TMX2: variants seen among roughly 807,000 people sequenced by gnomAD.
TMX2 encodes thioredoxin-related transmembrane protein 2.
Under a neutral mutation model 33.4 loss-of-function variants are expected in TMX2, and 20 were observed. The ratio of observed to expected loss-of-function variants is 0.60; its 90% CI spans 0.42 to 0.87. TMX2 has a LOEUF of 0.87. Among genes scored for constraint, TMX2 ranks in the 40% least tolerant of loss-of-function variants. The pLI is 0.00. For synonymous variants in TMX2, 166 were observed against 140.7 expected, an observed-to-expected ratio of 1.18 and a Z score of -1.27; for missense variants, 340 against 370.7, an observed-to-expected ratio of 0.92 and a Z score of 0.68.
chr11:57,712,881 G>A (rs1946708319), intron 1 of TMX2, 74 bp downstream of exon 1: 1 of 1,550,920 alleles, frequency 6.4e-7, no homozygotes, highest in Non-Finnish European at 8.8e-7. Flanking sequence ...GGAACCCTGG[G>A]GTTTACCTCT....
intron 7 of TMX2, 30 bp from the exon 8 acceptor site, chr11:57,740,069 G>C (rs1948997681): frequency 1.2e-6 from 2 of 1,613,490 alleles, no homozygotes; most frequent in Admixed American, 3.3e-5. Context: ...TTCCAACCCA[G>C]ATCCTGACGT....
chr11:57,731,224 C>T (rs1438450487), intron 1 of TMX2, among the ~76,000 whole-genome samples: 1 of 141,858 alleles, frequency 7.0e-6, no homozygotes, highest in East Asian at 2.4e-4. Flanking sequence ...ACATCTGCCT[C>T]CCTGGTTCAA....
chr11:57,736,883 C>CAAA (rs759801548), intron 1 of TMX2, among the ~76,000 whole-genome samples: 1 of 80,138 alleles, frequency 1.2e-5, no homozygotes. Context: ...AAGACTGTCT[C>CAAA]AAAAAAAAAA....
At chr11:57,737,870 G>A in intron 2 of TMX2, 43 bp from the exon 3 acceptor site, 1 of 1,614,186 alleles carries the variant, frequency 6.2e-7, no homozygotes, top group Non-Finnish European at 8.5e-7. Flanking sequence ...TGGGATATAG[G>A]AGTGCACAGC....
chr11:57,728,226 C>A (rs1317652583), intron 1 of TMX2, among the ~76,000 whole-genome samples: 1 of 152,044 alleles, frequency 6.6e-6, no homozygotes, highest in East Asian at 1.9e-4. Flanking sequence ...GCAGTGGCGC[C>A]ATCTCGGCTC....
At chr11:57,737,734 T>A in intron 2 of TMX2, 66 bp downstream of exon 2, 1 of 1,576,568 alleles carries the variant, frequency 6.3e-7, no homozygotes, top group East Asian at 2.2e-5. Context: ...CTTTGCTTCA[T>A]GTTAAGAGAG....
chr11:57,725,914 A>G (rs1947947023), intron 1 of TMX2, among the ~76,000 whole-genome samples: 1 of 152,202 alleles, frequency 6.6e-6, no homozygotes. Flanking sequence ...AATATTTACT[A>G]ACATTATAAA....
intron 1 of TMX2, among the ~76,000 whole-genome samples, chr11:57,717,689 CGTGGAAA>C (rs1565214249): frequency 8.5e-5 from 8 of 93,660 alleles, no homozygotes; most frequent in African/African-American, 2.6e-4. Flanking sequence ...AGAGGGAGAC[CGTGGAAA>C]GAGAGGGAGA....
chr11:57,737,839 C>T (rs1948847353), intron 2 of TMX2, 74 bp from the exon 3 acceptor site: 1 of 1,613,928 alleles, frequency 6.2e-7, no homozygotes, highest in East Asian at 2.2e-5. Context: ...TTCAAAGTGC[C>T]CCATGAAGAG....
intron 1 of TMX2, among the ~76,000 whole-genome samples, chr11:57,730,573 C>T (rs1948311062): frequency 6.7e-6 from 1 of 149,746 alleles, no homozygotes; most frequent in South Asian, 2.2e-4. Context: ...TCCGTCTCTA[C>T]TAAAAATACA....
At chr11:57,732,821 C>T (rs553202598) in intron 1 of TMX2, among the ~76,000 whole-genome samples, 51 of 152,120 alleles carry the variant, frequency 3.4e-4, no homozygotes, top group Non-Finnish European at 6.3e-4. Flanking sequence ...GAACTTTCAG[C>T]CTGGTGGGGG....
chr11:57,734,094 C>T (rs925502616), intron 1 of TMX2, among the ~76,000 whole-genome samples: 1 of 129,424 alleles, frequency 7.7e-6, no homozygotes, highest in Non-Finnish European at 1.6e-5. Flanking sequence ...ATGGCGTGAA[C>T]CTGGGAGGCG....
chr11:57,728,135 A>G (rs1178260980), intron 1 of TMX2, among the ~76,000 whole-genome samples: 1 of 152,052 alleles, frequency 6.6e-6, no homozygotes, highest in Admixed American at 6.6e-5. Context: ...TTGGCTCAGA[A>G]TAAATCTCTG....
At chr11:57,736,924 T>G (rs1016120643) in intron 1 of TMX2, among the ~76,000 whole-genome samples, 4 of 151,886 alleles carry the variant, frequency 2.6e-5, no homozygotes, top group Non-Finnish European at 5.9e-5. Flanking sequence ...TAGCTAGATA[T>G]TATATTAATG....
At chr11:57,718,414 G>A (rs1400439337) in intron 1 of TMX2, 1 of 1,351,136 alleles carries the variant, frequency 7.4e-7, no homozygotes, top group Admixed American at 1.7e-5. Context: ...TTTGTCCAGT[G>A]CTCAGAGCAC....
chr11:57,736,783 G>A (rs1409458667), intron 1 of TMX2, among the ~76,000 whole-genome samples: 4 of 151,854 alleles, frequency 2.6e-5, no homozygotes, highest in Non-Finnish European at 5.9e-5. Context: ...AGCTACTTGG[G>A]AGGTTGAGTC....
At chr11:57,716,301 C>T (rs1451042848) in intron 1 of TMX2, among the ~76,000 whole-genome samples, 2 of 137,996 alleles carry the variant, frequency 1.4e-5, no homozygotes, top group Non-Finnish European at 3.2e-5. Flanking sequence ...GGGGCTGACC[C>T]CCCCACCTCC....
At chr11:57,738,567 G>A (rs1233598493) in intron 4 of TMX2, 97 bp from the exon 5 acceptor site, 2 of 1,254,606 alleles carry the variant, frequency 1.6e-6, no homozygotes, top group African/African-American at 1.5e-5. Flanking sequence ...AGAGCCGGGG[G>A]AGAGGGAACA....
chr11:57,728,735 T>C (rs528515248), intron 1 of TMX2, among the ~76,000 whole-genome samples: 2 of 151,670 alleles, frequency 1.3e-5, no homozygotes, highest in South Asian at 4.1e-4. Flanking sequence ...GTTGCTTTCA[T>C]AGAGACTGAG....
Sources: gnomAD v4.1 joint callset for allele counts (sites outside exome capture counted in the v4.1 genomes callset) on GRCh38, gnomAD v4.1.1 for gene constraint, MANE v1.5 for transcripts, NCBI Gene and HGNC (gene_info 2026-07-23, HGNC 2026-07-21) for gene names.